The following AFF1 variants were observed in gnomAD, a reference collection of about 807,000 sequenced individuals.
AFF1 encodes the protein AF4/FMR2 family member 1.
A neutral mutation model predicts 121.7 loss-of-function variants in AFF1; 48 were observed. The ratio of observed to expected loss-of-function variants is 0.39; its 90% CI spans 0.31 to 0.50. The LOEUF is 0.50. Among genes scored for constraint, AFF1 ranks in the 20% least tolerant of loss-of-function variants. The pLI is 0.76. For synonymous variants in AFF1, 613 were observed against 563.0 expected (o/e 1.09, Z -1.26); for missense variants, 1,523 against 1,511.7 (o/e 1.01, Z -0.12).
chr4:87,063,468 G>C (rs1721008463), intron 4 of AFF1, among the ~76,000 whole-genome samples: 1 of 151,910 alleles, frequency 6.6e-6, no homozygotes, highest in African/African-American at 2.4e-5. Flanking sequence ...CGAACTCCCA[G>C]CCTCAGGTGA....
chr4:87,109,694 A>G (rs1176111140), intron 11 of AFF1, among the ~76,000 whole-genome samples: 4 of 152,246 alleles, frequency 2.6e-5, no homozygotes, highest in African/African-American at 7.2e-5. Context: ...TAAAATGGAA[A>G]TGTTACAGAT....
intron 2 of AFF1, among the ~76,000 whole-genome samples, chr4:86,971,276 A>G (rs1478419300): frequency 6.6e-6 from 1 of 150,918 alleles, no homozygotes; most frequent in Non-Finnish European, 1.5e-5. Flanking sequence ...GCTATCTGGG[A>G]ATTTCCGTTT....
At chr4:86,964,193 G>A (rs1578858592) in intron 2 of AFF1, among the ~76,000 whole-genome samples, 1 of 144,252 alleles carries the variant, frequency 6.9e-6, no homozygotes, top group Admixed American at 7.2e-5. Context: ...GTGTGATCTT[G>A]GCTCACTGCA....
chr4:87,135,746 A>G lies in AFF1; in HGVS notation c.*45A>G, dbSNP rs752548974. The G allele has an allele frequency of 1.4e-5, 22 of 1,583,872 alleles. No individual in the cohort carries two copies. Among genetic ancestry groups the G allele is most frequent in the Non-Finnish European group, 1.8e-5 (21 of 1,163,338 alleles). ...AATGCCTTGGGAACTATTTTTGCACATTGGAAGCCTCAAAAACAGTCCAGA... is the reference window on the plus strand; with the variant it reads ...AATGCCTTGGGAACTATTTTTGCACGTTGGAAGCCTCAAAAACAGTCCAGA... On this transcript the variant is annotated 3_prime_UTR_variant, in exon 21 of 21. Transcript: ENST00000395146.
chr4:86,987,379 C>G (rs1724371102), intron 2 of AFF1, among the ~76,000 whole-genome samples: 1 of 152,132 alleles, frequency 6.6e-6, no homozygotes, highest in Non-Finnish European at 1.5e-5. Context: ...GGAAGTTGCT[C>G]TGTACCCTCT....
Position 87,094,940 on chromosome 4 carries a change from TCAC to T in AFF1, c.1255_1257del (p.His419del), listed in dbSNP as rs749987572. The T allele has an allele frequency of 6.2e-7, 1 of 1,614,012 alleles. No homozygotes were observed. Among genetic ancestry groups the T allele is most frequent in the South Asian group, 1.1e-5 (1 of 91,080 alleles). On this transcript the variant is annotated inframe_deletion, in exon 8 of 21. Transcript: ENST00000395146. ...AACAATATGATACATCTTCAAAAAC[TCAC>T]TCAAATTCTCAGCAAGGAACGTCAT...
chr4:86,949,163 AATAT>A (rs201614271), intron 2 of AFF1, among the ~76,000 whole-genome samples: 5 of 139,814 alleles, frequency 3.6e-5, no homozygotes, highest in South Asian at 2.2e-4. Context: ...GCTATTCAAA[AATAT>A]ATATATATAT....
chr4:87,027,789 T>G (rs989526656), intron 2 of AFF1, among the ~76,000 whole-genome samples: 3 of 138,074 alleles, frequency 2.2e-5, no homozygotes, highest in Non-Finnish European at 3.1e-5. Flanking sequence ...GTTGGGTTTT[T>G]TTTTTTTTTT....
intron 2 of AFF1, among the ~76,000 whole-genome samples, chr4:87,016,738 C>T (rs1281221377): frequency 6.6e-6 from 1 of 152,116 alleles, no homozygotes; most frequent in Non-Finnish European, 1.5e-5. Flanking sequence ...CCCAGCCCCA[C>T]CACCATAACC....
intron 2 of AFF1, chr4:86,974,154 A>G (rs1578876102): frequency 6.6e-6 from 1 of 152,000 alleles, no homozygotes; most frequent in Non-Finnish European, 1.5e-5. Flanking sequence ...TTATTTATTT[A>G]TTTATTTTTG....
At chr4:86,949,537 ATTTTT>A (rs754229542) in intron 2 of AFF1, 62 of 248,356 alleles carry the variant, frequency 2.5e-4, no homozygotes, top group Admixed American at 4.4e-4. Flanking sequence ...TATTATTATT[ATTTTT>A]TTTTTTTTTT....
At chr4:86,976,855 ACT>A (rs779582342) in intron 2 of AFF1, among the ~76,000 whole-genome samples, 1 of 152,084 alleles carries the variant, frequency 6.6e-6, no homozygotes, top group Non-Finnish European at 1.5e-5. Flanking sequence ...AAGGTTTGTA[ACT>A]CTTTGTGCCT....
At chr4:86,994,628 A>C (rs1302126306) in intron 2 of AFF1, among the ~76,000 whole-genome samples, 1 of 152,230 alleles carries the variant, frequency 6.6e-6, no homozygotes, top group Non-Finnish European at 1.5e-5. Flanking sequence ...CCCTTGATCC[A>C]TCCAGCATCA....
chr4:86,959,541 A>G (rs1424031212), intron 2 of AFF1, among the ~76,000 whole-genome samples: 2 of 151,610 alleles, frequency 1.3e-5, no homozygotes, highest in Non-Finnish European at 2.9e-5. Context: ...ATGGGGGAAA[A>G]AATGGGTGCC....
In AFF1 at chr4:87,046,845, G is replaced by A. The variant is rs1351536529; in HGVS notation, c.310G>A (p.Asp104Asn). 6.2e-7 allele frequency: 1 copy of A among 1,614,168 alleles called. No homozygotes were observed. Among genetic ancestry groups the A allele is most frequent in the South Asian group, 1.1e-5 (1 of 91,080 alleles). The change falls in exon 4 of 21, where the codon GAC becomes AAC. Residue 104 changes from aspartate to asparagine, a missense_variant. Physicochemically the swap from Asp to Asn is conservative, Grantham distance 23. This residue lies in a region of AFF1 where 369 missense variants were observed against 367.2 expected (regional missense o/e 1.00). Transcript: ENST00000395146. Reference protein sequence around the residue: ...LGKPKYPLIPDKGSSIPSSSF... With the variant: ...LGKPKYPLIPNKGSSIPSSSF... ...AAAGCCGAAATATCCTTTAATTCCT[G>A]ACAAAGGGAGCAGCATTCCATCCAG...
intron 12 of AFF1, among the ~76,000 whole-genome samples, chr4:87,122,486 A>G (rs2149785262): frequency 6.6e-6 from 1 of 152,282 alleles, no homozygotes; most frequent in Middle Eastern, 3.4e-3. Context: ...GCCACTCTAA[A>G]TTGTGCTCCA....
At chr4:87,072,312 A>G (rs1008958010) in intron 4 of AFF1, among the ~76,000 whole-genome samples, 10 of 150,030 alleles carry the variant, frequency 6.7e-5, no homozygotes, top group African/African-American at 1.7e-4. Context: ...GCAGTGAGCC[A>G]AGATCACACC....
intron 2 of AFF1, among the ~76,000 whole-genome samples, chr4:86,980,358 G>A (rs916646854): frequency 1.3e-5 from 2 of 152,268 alleles, no homozygotes; most frequent in East Asian, 1.9e-4. Flanking sequence ...TGGGCATGGC[G>A]GTACATGCCT....
intron 4 of AFF1, among the ~76,000 whole-genome samples, chr4:87,058,725 T>TAATTACTACTTTCTTGTTCC (rs1188748188): frequency 6.6e-6 from 1 of 152,212 alleles, no homozygotes; most frequent in Non-Finnish European, 1.5e-5. Flanking sequence ...GTGTCTTCTC[T>TAATTACTACTTTCTTGTTCC]AATTACTACT....
Sources: gnomAD v4.1 joint callset for allele counts (sites outside exome capture counted in the v4.1 genomes callset) on GRCh38, gnomAD v4.1.1 for gene constraint, gnomAD v4.1.1 regional missense constraint, MANE v1.5 for transcripts, NCBI Gene and HGNC (gene_info 2026-07-23, HGNC 2026-07-21) for gene names.